The following LRRC8B variants were observed in gnomAD, a reference collection of about 807,000 sequenced individuals.
LRRC8B encodes the protein volume-regulated anion channel subunit LRRC8B.
LRRC8B carries 23 observed loss-of-function variants against 58.8 expected under a neutral mutation model. The ratio of observed to expected loss-of-function variants is 0.39; its 90% CI spans 0.28 to 0.55. The LOEUF is 0.55. Ranked by LOEUF, LRRC8B falls within the 20% of genes least tolerant of loss-of-function variation. LRRC8B has a pLI of 0.62. For missense variants in LRRC8B, 694 were observed against 936.0 expected, an observed-to-expected ratio of 0.74 and a Z score of 3.37; for synonymous variants, 359 against 374.1, an observed-to-expected ratio of 0.96 and a Z score of 0.47.
chr1:89,566,093 A>G (rs1653029054), intron 1 of LRRC8B, among the ~76,000 whole-genome samples: 1 of 152,212 alleles, frequency 6.6e-6, no homozygotes, highest in Non-Finnish European at 1.5e-5. Flanking sequence ...TAGCTGCTAT[A>G]ATATATAGGA....
chr1:89,554,104 G>A (rs1040999128), intron 1 of LRRC8B, among the ~76,000 whole-genome samples: 1 of 152,036 alleles, frequency 6.6e-6, no homozygotes, highest in African/African-American at 2.4e-5. Flanking sequence ...TTTTTAGTGT[G>A]GAATTTGAGA....
chr1:89,551,600 C>T (rs1441755349), intron 1 of LRRC8B, among the ~76,000 whole-genome samples: 2 of 152,084 alleles, frequency 1.3e-5, no homozygotes, highest in African/African-American at 4.8e-5. Flanking sequence ...AGCAAATGCT[C>T]AATGAATTCT....
chr1:89,592,678 G>GT lies in LRRC8B; in HGVS notation c.2140-89dup, dbSNP rs778539014. On this transcript the variant is annotated intron_variant, in intron 5 of 5. Coordinates refer to ENST00000330947, the MANE Select transcript of LRRC8B (RefSeq NM_001369817.2). ...GCATCACTTATAAACCTCCAGAAAT[G>GT]TTTTGTTTTTTTTTTTTTGGAAAAA... 126 of 999,802 alleles carry GT rather than the reference G, an allele frequency of 1.3e-4. 1 individual carries two copies. Among genetic ancestry groups the GT allele is most frequent in the East Asian group, 7.5e-4 (30 of 40,246 alleles). The allele number at this position is 999,802 out of a possible 1,614,324, so 61.9% of individuals were successfully genotyped here.
chr1:89,593,090 C>T lies in LRRC8B; in HGVS notation c.*47C>T. 6.3e-7 allele frequency: 1 copy of T among 1,580,866 alleles called. No individual in the cohort carries two copies. Among genetic ancestry groups the T allele is most frequent in the Non-Finnish European group, 8.6e-7 (1 of 1,157,962 alleles). On this transcript the variant is annotated 3_prime_UTR_variant, in exon 6 of 6. Transcript: ENST00000330947. Reference sequence around the variant, plus strand: ...TTTCAAAATCATTTTTAAAAGTATGCTCGGCCGGGCGTGGTGGCTCATGCC... The same window carrying T: ...TTTCAAAATCATTTTTAAAAGTATGTTCGGCCGGGCGTGGTGGCTCATGCC...
chr1:89,588,416 A>G (rs1654773713), intron 5 of LRRC8B, among the ~76,000 whole-genome samples: 1 of 152,210 alleles, frequency 6.6e-6, no homozygotes, highest in Admixed American at 6.5e-5. Context: ...CTTTTTTTAT[A>G]GAGTGACTCT....
At chr1:89,531,877 G>A (rs72957878) in intron 1 of LRRC8B, among the ~76,000 whole-genome samples, 8,299 of 152,164 alleles carry the variant, frequency 0.055, 264 homozygotes, top group African/African-American at 0.083. Context: ...GGTCAGGTTC[G>A]CAGGCAATCC....
At chr1:89,545,648 G>A (rs916198621) in intron 1 of LRRC8B, among the ~76,000 whole-genome samples, 6 of 152,134 alleles carry the variant, frequency 3.9e-5, no homozygotes, top group Admixed American at 2.0e-4. Context: ...CCTGTTAAAC[G>A]TGAATTCTTG....
At chr1:89,544,041 C>G (rs1355740628) in intron 1 of LRRC8B, among the ~76,000 whole-genome samples, 1 of 152,136 alleles carries the variant, frequency 6.6e-6, no homozygotes, top group Admixed American at 6.6e-5. Flanking sequence ...AGTGATTCTC[C>G]CTCCTTGGCC....
intron 1 of LRRC8B, among the ~76,000 whole-genome samples, chr1:89,529,676 C>G (rs1320545673): frequency 6.6e-6 from 1 of 152,048 alleles, no homozygotes; most frequent in African/African-American, 2.4e-5. Flanking sequence ...ATAAAATTAT[C>G]TCTAAAATCA....
chr1:89,559,284 A>G (rs1172390098), intron 1 of LRRC8B, among the ~76,000 whole-genome samples: 3 of 152,250 alleles, frequency 2.0e-5, no homozygotes, highest in East Asian at 1.9e-4. Flanking sequence ...CTGAACCCCA[A>G]TGCTTAAGGG....
At chr1:89,538,546 C>T (rs755946648) in intron 1 of LRRC8B, among the ~76,000 whole-genome samples, 1 of 152,176 alleles carries the variant, frequency 6.6e-6, no homozygotes, top group Non-Finnish European at 1.5e-5. Context: ...GGGAAATACT[C>T]ATTGTAGTAA....
rs1368762753 is a variant in LRRC8B at position 89,570,237 on chromosome 1, A to G, written c.-125+1744A>G. 2.0e-5 allele frequency among the ~76,000 whole-genome samples: 3 copies of G among 152,210 alleles called. No individual in the cohort carries two copies. The East Asian group carries it at 5.8e-4, about 29-fold the overall frequency. ...TTTATATGCCTTTGGGTATGTGCCC[A>G]GTAATGCGATGGCTGGGTTGAATGG... On this transcript the variant is annotated intron_variant, in intron 3 of 5. Transcript: ENST00000330947.
chr1:89,586,203 T>C (rs1654610869), intron 5 of LRRC8B, among the ~76,000 whole-genome samples: 1 of 152,204 alleles, frequency 6.6e-6, no homozygotes, highest in Non-Finnish European at 1.5e-5. Flanking sequence ...TCCGATTCAG[T>C]AGGCCAGACG....
chr1:89,583,690 T>C lies in LRRC8B; in HGVS notation c.1040T>C (p.Phe347Ser). 6.2e-7 allele frequency: 1 copy of C among 1,614,120 alleles called. No homozygotes were observed. Among genetic ancestry groups the C allele is most frequent in the African/African-American group, 1.3e-5 (1 of 75,062 alleles). ...MLRSSLKQYS[F>S]EALREKSNYS... ...AGGAGTTCCCTGAAGCAATATTCCT[T>C]TGAGGCGTTAAGAGAAAAAAGCAAC... Residue 347 changes from phenylalanine (F) to serine (S), a missense_variant, in exon 5 of 6, where the codon TTT (phenylalanine) becomes TCT (serine). By Grantham distance (155) the Phe-to-Ser change is radical. Around this residue, in one of 5 missense-constraint regions of LRRC8B, gnomAD observed 24 missense variants for 63.2 expected, o/e 0.38. Coordinates refer to ENST00000330947, the MANE Select transcript of LRRC8B (RefSeq NM_001369817.2). The surrounding 1 kb of genome is among the most constrained non-coding windows in gnomAD (Gnocchi z 5.2).
intron 1 of LRRC8B, among the ~76,000 whole-genome samples, chr1:89,532,884 A>G (rs903332848): frequency 1.3e-5 from 2 of 152,194 alleles, no homozygotes. Flanking sequence ...TATTTTTGCC[A>G]ACAGCAATAC....
chr1:89,540,820 T>A (rs1342648857), intron 1 of LRRC8B, among the ~76,000 whole-genome samples: 1 of 152,204 alleles, frequency 6.6e-6, no homozygotes, highest in Admixed American at 6.5e-5. Context: ...AGGAGACTAG[T>A]AGAAAAGTTA....
At chr1:89,531,108 A>C (rs1478669585) in intron 1 of LRRC8B, among the ~76,000 whole-genome samples, 1 of 152,216 alleles carries the variant, frequency 6.6e-6, no homozygotes, top group East Asian at 1.9e-4. Flanking sequence ...TGTTCATCTA[A>C]AGATTTTAAG....
chr1:89,541,374 G>A (rs1036572366), intron 1 of LRRC8B, among the ~76,000 whole-genome samples: 1 of 152,156 alleles, frequency 6.6e-6, no homozygotes, highest in Non-Finnish European at 1.5e-5. Context: ...TGTGAACATA[G>A]AAAGTAGACC....
intron 1 of LRRC8B, among the ~76,000 whole-genome samples, chr1:89,542,840 C>T (rs1393723666): frequency 1.3e-5 from 2 of 152,192 alleles, no homozygotes; most frequent in African/African-American, 4.8e-5. Flanking sequence ...CTACTTCAAC[C>T]TCACATCAGC....
Sources: gnomAD v4.1 joint callset for allele counts (sites outside exome capture counted in the v4.1 genomes callset) on GRCh38, gnomAD v4.1.1 for gene constraint, gnomAD v4.1.1 regional missense constraint, Gnocchi (gnomAD v3.1) non-coding constraint, MANE v1.5 for transcripts, NCBI Gene and HGNC (gene_info 2026-07-23, HGNC 2026-07-21) for gene names.